EXOC4: variants seen among roughly 807,000 people sequenced by gnomAD.
The protein encoded by EXOC4 is exocyst complex component 4.
A neutral mutation model predicts 107.2 loss-of-function variants in EXOC4; 71 were observed. The observed-to-expected ratio is 0.66, with a 90% confidence interval of 0.55 to 0.81. The LOEUF is 0.81. EXOC4 is among the 30% of genes least tolerant of loss of function. The pLI is 0.00. For synonymous variants in EXOC4, 456 were observed against 441.2 expected (o/e 1.03, Z -0.42); for missense variants, 1,108 against 1,189.6 (o/e 0.93, Z 1.01).
At chr7:133,712,222 C>G (rs1258132023) in intron 10 of EXOC4, among the ~76,000 whole-genome samples, 1 of 151,948 alleles carries the variant, frequency 6.6e-6, no homozygotes, top group African/African-American at 2.4e-5. Context: ...GGCAAATCAC[C>G]TGATGTTGGG....
At chr7:133,652,902 G>C (rs1051222442) in intron 10 of EXOC4, among the ~76,000 whole-genome samples, 2 of 152,100 alleles carry the variant, frequency 1.3e-5, no homozygotes, top group Non-Finnish European at 2.9e-5. Flanking sequence ...ACCCCTTTTG[G>C]ACTTAAAATA....
intron 5 of EXOC4, among the ~76,000 whole-genome samples, chr7:133,330,579 C>T (rs1795358584): frequency 6.6e-6 from 1 of 152,192 alleles, no homozygotes; most frequent in Non-Finnish European, 1.5e-5. Flanking sequence ...ATCTCCTGGT[C>T]TGTGGGTTGC....
intron 10 of EXOC4, among the ~76,000 whole-genome samples, chr7:133,723,956 G>T (rs1795161255): frequency 6.6e-6 from 1 of 151,988 alleles, no homozygotes; most frequent in Non-Finnish European, 1.5e-5. Context: ...TAAATAAATA[G>T]ATTTTATTTC....
At chr7:133,636,142 G>A (rs1439083330) in intron 10 of EXOC4, among the ~76,000 whole-genome samples, 1 of 152,156 alleles carries the variant, frequency 6.6e-6, no homozygotes, top group African/African-American at 2.4e-5. Context: ...TCCCTTATCT[G>A]TAAAGGAAGG....
At chr7:133,624,591 T>C (rs900343605) in intron 9 of EXOC4, among the ~76,000 whole-genome samples, 3 of 151,344 alleles carry the variant, frequency 2.0e-5, no homozygotes, top group African/African-American at 7.3e-5. Context: ...TCTCTCTCTC[T>C]TTTTTTTTCT....
At chr7:133,715,350 T>C (rs900833700) in intron 10 of EXOC4, among the ~76,000 whole-genome samples, 1 of 152,194 alleles carries the variant, frequency 6.6e-6, no homozygotes, top group Non-Finnish European at 1.5e-5. Flanking sequence ...TCATTTCTTG[T>C]GGCTACCACT....
At chr7:134,011,537 A>C (rs1459593603) in intron 17 of EXOC4, among the ~76,000 whole-genome samples, 2 of 151,970 alleles carry the variant, frequency 1.3e-5, no homozygotes, top group African/African-American at 4.8e-5. Context: ...TTCATTCTTA[A>C]ACCTGCACAA....
chr7:133,321,353 C>T, intron 5 of EXOC4, among the ~76,000 whole-genome samples: 1 of 151,880 alleles, frequency 6.6e-6, no homozygotes, highest in East Asian at 1.9e-4. Flanking sequence ...ATACACGTGC[C>T]ATGGTTTGCT....
chr7:133,445,887 A>AGCG (rs1798209390), intron 7 of EXOC4, among the ~76,000 whole-genome samples: 1 of 151,962 alleles, frequency 6.6e-6, no homozygotes, highest in East Asian at 1.9e-4. Flanking sequence ...ATGGTGGCGC[A>AGCG]TGCCTGCAGT....
At chr7:134,005,201 C>T in intron 16 of EXOC4, 111 bp downstream of exon 16, 3 of 1,186,308 alleles carry the variant, frequency 2.5e-6, no homozygotes, top group Non-Finnish European at 3.6e-6. Flanking sequence ...TGTTTGCTTG[C>T]TTGCTTGTTT....
intron 13 of EXOC4, among the ~76,000 whole-genome samples, chr7:133,932,786 TG>T (rs1309851896): frequency 6.6e-6 from 1 of 152,188 alleles, no homozygotes; most frequent in Non-Finnish European, 1.5e-5. Context: ...ACCTTTCCCC[TG>T]CTCTGTTCTT....
chr7:133,777,170 T>C (rs1283337635), intron 10 of EXOC4, among the ~76,000 whole-genome samples: 1 of 152,066 alleles, frequency 6.6e-6, no homozygotes, highest in African/African-American at 2.4e-5. Context: ...ATGATTCTTG[T>C]TGCCTATCAA....
At chr7:133,803,381 T>C (rs1796993893) in intron 10 of EXOC4, among the ~76,000 whole-genome samples, 3 of 152,228 alleles carry the variant, frequency 2.0e-5, no homozygotes, top group Non-Finnish European at 4.4e-5. Context: ...ACAAACCATT[T>C]CTACAGGCTT....
chr7:134,086,799 G>A, the EXOC4 span, among the ~76,000 whole-genome samples: 1 of 152,132 alleles, frequency 6.6e-6, no homozygotes, highest in African/African-American at 2.4e-5. Context: ...CAGCCACAGG[G>A]GCTGCTGGTT....
chr7:133,492,048 G>A (rs189001036), intron 9 of EXOC4, among the ~76,000 whole-genome samples: 133 of 152,310 alleles, frequency 8.7e-4, no homozygotes, highest in Admixed American at 2.4e-3. Flanking sequence ...TTTTTGTCCT[G>A]CGGGTGATAA....
chr7:134,024,397 G>A (rs977770186), intron 17 of EXOC4, among the ~76,000 whole-genome samples: 1 of 151,564 alleles, frequency 6.6e-6, no homozygotes, highest in East Asian at 1.9e-4. Context: ...CTTCCAGTGA[G>A]CCGAGATCGC....
intron 5 of EXOC4, among the ~76,000 whole-genome samples, chr7:133,333,428 A>G (rs1289027815): frequency 1.3e-5 from 2 of 151,974 alleles, no homozygotes; most frequent in African/African-American, 4.8e-5. Flanking sequence ...TTCTCTAAGG[A>G]GATCTGGTTT....
At position 133,380,094 on chromosome 7, in the gene EXOC4, T is replaced by C. The variant is rs547705301; in HGVS notation, c.1182+5092T>C. Among the ~76,000 whole-genome samples the C allele has an allele frequency of 1.8e-4, 26 of 144,586 alleles. 1 individual carries two copies. The highest frequency in any genetic ancestry group is 1.0e-3 in the Admixed American group (15 of 14,418). The allele number at this position is 144,586 out of a possible 152,430, so 94.9% of individuals were successfully genotyped here. ...TCACACACCAGAGCCTGTTGTGGGG[T>C]GGGGGGATGGGGGAGGGATAGCATT... On this transcript the variant is annotated intron_variant, in intron 7 of 17. Coordinates refer to ENST00000253861, the MANE Select transcript of EXOC4 (RefSeq NM_021807.4).
At chr7:133,519,979 G>A (rs1046103999) in intron 9 of EXOC4, among the ~76,000 whole-genome samples, 1 of 152,076 alleles carries the variant, frequency 6.6e-6, no homozygotes, top group Non-Finnish European at 1.5e-5. Flanking sequence ...TAGCTAAGTA[G>A]TAAAATATAA....
Sources: allele counts gnomAD v4.1 joint callset (sites outside exome capture counted in the v4.1 genomes callset), GRCh38; gene constraint gnomAD v4.1.1; transcripts MANE v1.5; gene names NCBI Gene and HGNC (gene_info 2026-07-23, HGNC 2026-07-21).